Variants in NABP1 observed in about 807,000 individuals in gnomAD.
NABP1 encodes nucleic acid binding protein 1, also known as SOSS complex subunit B2.
In NABP1, 18 loss-of-function variants were observed where a neutral mutation model predicts 25.0. The observed-to-expected ratio is 0.72, with a 90% CI of 0.50 to 1.07. The LOEUF is 1.07. Ranked by LOEUF, NABP1 falls within the 50% of genes least tolerant of loss-of-function variation. The pLI is 0.00. For missense variants in NABP1, 270 were observed against 255.6 expected (o/e 1.06, Z -0.39); for synonymous variants, 71 against 85.0 (o/e 0.84, Z 0.91).
At chr2:191,684,411 C>T (rs1574138789) in intron 5 of NABP1, 115 bp downstream of exon 5, 1 of 626,908 alleles carries the variant, frequency 1.6e-6, no homozygotes, top group East Asian at 3.1e-5. Context: ...AGGTGAACTA[C>T]CAGTAAACAG....
In NABP1 at chr2:191,684,274, T is replaced by C; in HGVS notation, c.423T>C (p.Gly141=). ...ATAATTCCATGAATAGTAATATGGG[T>C]ACAGGTACATTTGGACCAGTGGGTA... ...QKNNSMNSNM[G]TGTFGPVGNG... is the part of the protein sequence containing the mutation. Residue 141 remains glycine (G), a synonymous_variant, in exon 5 of 6, where the codon GGT becomes GGC. Transcript: ENST00000425611. The C allele has an allele frequency of 6.5e-7, 1 of 1,536,764 alleles. No individual in the cohort carries two copies. Among genetic ancestry groups the C allele is most frequent in the South Asian group, 1.2e-5 (1 of 80,282 alleles).
At chr2:191,678,913 T>A in intron 1 of NABP1, 77 bp from the exon 2 acceptor site, 1 of 1,582,156 alleles carries the variant, frequency 6.3e-7, no homozygotes, top group Non-Finnish European at 8.6e-7. Context: ...TGTATTAAAA[T>A]ACCGGAGGAG....
intron 2 of NABP1, among the ~76,000 whole-genome samples, chr2:191,680,160 A>G (rs1393405897): frequency 6.6e-6 from 1 of 152,220 alleles, no homozygotes. Flanking sequence ...CCAAATTTTT[A>G]TCTTAGGAAG....
In NABP1 at chr2:191,685,693, A is replaced by G; in HGVS notation, c.540A>G (p.Gln180=). Residue 180 remains glutamine (Q), a synonymous_variant, in exon 6 of 6, where the codon CAA becomes CAG. Transcript: ENST00000425611. ...GGGGACTTATAAATCCACAACTACAAGGAACAGCTAGTAATCAAACAGTGA... is the reference window on the plus strand; with the variant it reads ...GGGGACTTATAAATCCACAACTACAGGGAACAGCTAGTAATCAAACAGTGA... ...NGRGLINPQL[Q]GTASNQTVMT... is the part of the protein sequence containing the mutation. 6.2e-7 allele frequency: 1 copy of G among 1,614,134 alleles called. No homozygotes were observed. Among genetic ancestry groups the G allele is most frequent in the African/African-American group, 1.3e-5 (1 of 75,056 alleles).
intron 2 of NABP1, among the ~76,000 whole-genome samples, chr2:191,679,549 G>T (rs1369982937): frequency 6.6e-6 from 1 of 151,544 alleles, no homozygotes; most frequent in East Asian, 1.9e-4. Flanking sequence ...GCTAAGTTTT[G>T]TATTTTTAGC....
chr2:191,678,727 C>G (rs749681888), intron 1 of NABP1, 22 bp downstream of exon 1: 22 of 1,592,120 alleles, frequency 1.4e-5, no homozygotes, highest in Non-Finnish European at 1.9e-5. Context: ...TTGCAGCCTA[C>G]TCCACCGCCC....
Position 191,678,429 on chromosome 2 carries a change from T to A in NABP1, c.-186T>A. 1 of 321,578 alleles carries A rather than the reference T, an allele frequency of 3.1e-6. No homozygotes were observed. The highest frequency in any genetic ancestry group is 5.5e-6 in the Non-Finnish European group (1 of 182,512). 19.9% of individuals were successfully genotyped at this position (321,578 alleles called of 1,614,324 possible). A position where few individuals can be genotyped will look rare whatever the true frequency, so the allele number is the denominator to read the frequency against. On this transcript the variant is annotated 5_prime_UTR_variant, in exon 1 of 6. Transcript: ENST00000425611. ...TTTTTTTTTTTTTTTTTTTTTTTTC[T>A]TTTTTTAGGCTCAGTGCTGTCCGGG...
chr2:191,679,299 A>T (rs1161407290), intron 2 of NABP1, among the ~76,000 whole-genome samples, 171 bp downstream of exon 2: 2 of 152,184 alleles, frequency 1.3e-5, no homozygotes, highest in Non-Finnish European at 2.9e-5. Flanking sequence ...GGGATGTAAC[A>T]GACCTTTGCA....
In NABP1 at chr2:191,683,517, A is replaced by G. The variant is rs1687738685; in HGVS notation, c.303-212A>G. On this transcript the variant is annotated intron_variant, in intron 3 of 5. Coordinates refer to ENST00000425611, the MANE Select transcript of NABP1 (RefSeq NM_001031716.5). This position sits in a 1 kb window ranked among gnomAD's most constrained non-coding sequence, Gnocchi z 4.1. ...CACTAAAGAAGAATTTAAATACAAA[A>G]TAGAATGTTATATATCTTGTAGACA... is the stretch of plus-strand genomic sequence containing the variant. 8.9e-6 allele frequency: 4 copies of G among 447,000 alleles called. No individual in the cohort carries two copies. Among genetic ancestry groups the G allele is most frequent in the Non-Finnish European group, 1.6e-5 (4 of 254,426 alleles). 27.7% of individuals were successfully genotyped at this position (447,000 alleles called of 1,614,324 possible). A position where few individuals can be genotyped will look rare whatever the true frequency, so the allele number is the denominator to read the frequency against.
At chr2:191,679,249 T>C in intron 2 of NABP1, 121 bp downstream of exon 2, 1 of 1,185,664 alleles carries the variant, frequency 8.4e-7, no homozygotes, top group Non-Finnish European at 1.2e-6. Context: ...TGAGGAGTTT[T>C]GAACTCCTTT....
In NABP1 at chr2:191,685,590, C is replaced by G. The variant is rs1687794120; in HGVS notation, c.446-9C>G. 2 of 1,599,452 alleles carry G rather than the reference C, an allele frequency of 1.3e-6. No individual in the cohort carries two copies. Among genetic ancestry groups the G allele is most frequent in the Non-Finnish European group, 1.7e-6 (2 of 1,171,880 alleles). On this transcript the variant is annotated splice_polypyrimidine_tract_variant and intron_variant, in intron 5 of 5. Coordinates refer to ENST00000425611, the MANE Select transcript of NABP1 (RefSeq NM_001031716.5). Reference sequence around the variant, plus strand: ...GAAAATAGTGATGAATTTTTGTATTCTTTTTTAGGAAATGGTGTTCACACT... The same window carrying G: ...GAAAATAGTGATGAATTTTTGTATTGTTTTTTAGGAAATGGTGTTCACACT...
At chr2:191,681,767 T>A (rs1574136985) in intron 2 of NABP1, among the ~76,000 whole-genome samples, 179 bp from the exon 3 acceptor site, 1 of 152,226 alleles carries the variant, frequency 6.6e-6, no homozygotes, top group East Asian at 1.9e-4. Flanking sequence ...TTTGTATTCT[T>A]TTGTAAATAG....
intron 4 of NABP1, 33 bp from the exon 5 acceptor site, chr2:191,684,197 T>C (rs1430211895): frequency 6.8e-6 from 9 of 1,324,150 alleles, no homozygotes; most frequent in Non-Finnish European, 8.4e-6. Flanking sequence ...GTGTTTTTAT[T>C]CTCGTTTGGT....
chr2:191,679,499 C>T (rs1687613167), intron 2 of NABP1, among the ~76,000 whole-genome samples: 1 of 152,210 alleles, frequency 6.6e-6, no homozygotes, highest in Non-Finnish European at 1.5e-5. Flanking sequence ...GCCTCAGCCT[C>T]CCAAGTAGCT....
chr2:191,678,948 A>G lies in NABP1; in HGVS notation c.92-42A>G, dbSNP rs1325049001. 3 of 1,613,998 alleles carry G rather than the reference A, an allele frequency of 1.9e-6. No homozygotes were observed. The South Asian group carries it at 3.3e-5, about 18-fold the overall frequency. On this transcript the variant is annotated intron_variant, in intron 1 of 5. Coordinates refer to ENST00000425611, the MANE Select transcript of NABP1 (RefSeq NM_001031716.5). ...GGAGTTAGCCTTTCTGGATGTCCTC[A>G]TTATCTAACAACCCCTCCCTTTGAT... is the stretch of plus-strand genomic sequence containing the variant.
intron 2 of NABP1, among the ~76,000 whole-genome samples, chr2:191,679,767 T>C (rs1312850138): frequency 6.6e-6 from 1 of 152,214 alleles, no homozygotes; most frequent in Non-Finnish European, 1.5e-5. Context: ...TTTTCTCTAG[T>C]GTAGTTGCCA....
At chr2:191,684,623 T>A (rs1280079092) in intron 5 of NABP1, among the ~76,000 whole-genome samples, 2 of 152,182 alleles carry the variant, frequency 1.3e-5, no homozygotes, top group Non-Finnish European at 2.9e-5. Context: ...CGTTTTATCT[T>A]TAGAGTCATA....
rs913933857 is a variant in NABP1, at chr2:191,686,754, CA to C, written c.*990del. 1.2e-4 allele frequency: 18 copies of C among 152,498 alleles called. No individual in the cohort carries two copies. The highest frequency in any genetic ancestry group is 7.2e-4 in the Admixed American group (11 of 15,272). The allele number at this position is 152,498 out of a possible 1,614,324, so 9.4% of individuals were successfully genotyped here. A position where few individuals can be genotyped will look rare whatever the true frequency, so the allele number is the denominator to read the frequency against. On this transcript the variant is annotated 3_prime_UTR_variant, in exon 6 of 6. Coordinates refer to ENST00000425611, the MANE Select transcript of NABP1 (RefSeq NM_001031716.5). The stretch of plus-strand genomic sequence containing the variant: ...AACACAGTTCACATAGCCTTATTAG[CA>C]AAAGTTTTAAGAAATGGCTCTATCA...
At chr2:191,680,754 A>G (rs962134044) in intron 2 of NABP1, among the ~76,000 whole-genome samples, 3 of 152,218 alleles carry the variant, frequency 2.0e-5, no homozygotes, top group South Asian at 4.1e-4. Flanking sequence ...TAAAAACTAT[A>G]GAAACTCTAT....
Sources: gnomAD v4.1 joint callset for allele counts (sites outside exome capture counted in the v4.1 genomes callset) on GRCh38, gnomAD v4.1.1 for gene constraint, Gnocchi (gnomAD v3.1) non-coding constraint, MANE v1.5 for transcripts, NCBI Gene and HGNC (gene_info 2026-07-23, HGNC 2026-07-21) for gene names.